The following TENM4 variants were observed in gnomAD, a reference collection of about 807,000 sequenced individuals.
TENM4 encodes teneurin transmembrane protein 4.
Under a neutral mutation model 243.3 loss-of-function variants are expected in TENM4, and 82 were observed. The ratio of observed to expected loss-of-function variants is 0.34; its 90% CI spans 0.28 to 0.40. The LOEUF is 0.40. TENM4 is among the 10% of genes least tolerant of loss of function. The probability of loss-of-function intolerance (pLI) is 1.00; values close to 1 mark genes in which losing one functional copy is unlikely to be tolerated. For missense variants in TENM4, 3,138 were observed against 3,673.3 expected (o/e 0.85, Z 3.77); for synonymous variants, 1,412 against 1,456.3 (o/e 0.97, Z 0.69).
At chr11:78,705,291 G>A (rs1009802557) in intron 27 of TENM4, among the ~76,000 whole-genome samples, 2 of 152,190 alleles carry the variant, frequency 1.3e-5, no homozygotes, top group African/African-American at 2.4e-5. Flanking sequence ...AGTGGAGGGA[G>A]AGAGGAGAGG....
intron 17 of TENM4, among the ~76,000 whole-genome samples, chr11:78,771,580 C>A (rs1333212476): frequency 6.6e-6 from 1 of 152,216 alleles, no homozygotes; most frequent in African/African-American, 2.4e-5. Flanking sequence ...TTATTCCTTG[C>A]TTCCTTCATC....
chr11:79,203,635 G>A (rs187540809), intron 3 of TENM4, among the ~76,000 whole-genome samples: 1 of 152,308 alleles, frequency 6.6e-6, no homozygotes, highest in Admixed American at 6.5e-5. Context: ...TATCATGGGG[G>A]ATTGATTCCA....
chr11:78,926,578 G>T (rs1024476878), intron 6 of TENM4, among the ~76,000 whole-genome samples: 54 of 151,692 alleles, frequency 3.6e-4, no homozygotes, highest in African/African-American at 9.7e-4. Flanking sequence ...GGCCAGAAAT[G>T]ATATTTTTTA....
At chr11:79,064,084 C>A (rs904478306) in intron 6 of TENM4, among the ~76,000 whole-genome samples, 2 of 151,556 alleles carry the variant, frequency 1.3e-5, no homozygotes, top group African/African-American at 2.4e-5. Flanking sequence ...ATCTCACATA[C>A]TTATTTTTTT....
chr11:78,727,960 C>T (rs903832238), intron 22 of TENM4, among the ~76,000 whole-genome samples: 13 of 152,306 alleles, frequency 8.5e-5, no homozygotes, highest in East Asian at 5.8e-4. Context: ...GGCTGGAAGA[C>T]GTCCCTGTGA....
intron 2 of TENM4, among the ~76,000 whole-genome samples, chr11:79,285,066 C>T (rs1048801309): frequency 2.0e-5 from 3 of 151,890 alleles, no homozygotes; most frequent in African/African-American, 7.3e-5. Context: ...GGTGAAACCC[C>T]GTCTCTACTA....
At chr11:78,715,734 C>T (rs889018389) in intron 25 of TENM4, among the ~76,000 whole-genome samples, 2 of 152,176 alleles carry the variant, frequency 1.3e-5, no homozygotes, top group South Asian at 2.1e-4. Flanking sequence ...AGTCCCTGCT[C>T]GGCTAGGCTC....
chr11:78,694,519 A>T (rs1858907155), intron 28 of TENM4, among the ~76,000 whole-genome samples: 1 of 152,068 alleles, frequency 6.6e-6, no homozygotes, highest in Non-Finnish European at 1.5e-5. Flanking sequence ...GATCTGGCCC[A>T]CTCTGCCATA....
intron 24 of TENM4, among the ~76,000 whole-genome samples, chr11:78,722,190 T>C (rs1173572041): frequency 6.6e-6 from 1 of 152,120 alleles, no homozygotes; most frequent in Admixed American, 6.5e-5. Context: ...TTTTAAATTA[T>C]TTTTTTGCAG....
At chr11:79,101,832 G>T (rs1476078027) in intron 4 of TENM4, among the ~76,000 whole-genome samples, 1 of 152,186 alleles carries the variant, frequency 6.6e-6, no homozygotes, top group East Asian at 1.9e-4. Flanking sequence ...TTCAGCCAAG[G>T]TTTCCTGGAA....
chr11:78,893,802 C>CACACACACACA (rs1273308220), intron 7 of TENM4, among the ~76,000 whole-genome samples: 3 of 151,768 alleles, frequency 2.0e-5, no homozygotes, highest in Non-Finnish European at 2.9e-5. Context: ...CACACACACT[C>CACACACACACA]CTCTCTTTCT....
chr11:79,021,363 C>T (rs1024594879), intron 6 of TENM4, among the ~76,000 whole-genome samples: 11 of 152,160 alleles, frequency 7.2e-5, no homozygotes, highest in Non-Finnish European at 1.3e-4. Flanking sequence ...CCCTCAGGAG[C>T]TAACCCTAAA....
chr11:78,738,368 A>T lies in TENM4; in HGVS notation c.2876+83T>A. On this transcript the variant is annotated intron_variant, in intron 20 of 33. Coordinates refer to ENST00000278550, the MANE Select transcript of TENM4 (RefSeq NM_001098816.3). ...TGAATCCAAGACCCATCCTCTTTCC[A>T]CATTATCAGTCCAGCAGCAGCTATA... is the stretch of plus-strand genomic sequence containing the variant. 3 of 1,512,314 alleles carry T rather than the reference A, an allele frequency of 2.0e-6. No individual in the cohort carries two copies. The Admixed American group carries it at 6.3e-5, about 32-fold the overall frequency. 93.7% of individuals were successfully genotyped at this position (1,512,314 alleles called of 1,614,324 possible).
At chr11:78,917,289 G>A (rs902397290) in intron 6 of TENM4, among the ~76,000 whole-genome samples, 9 of 152,152 alleles carry the variant, frequency 5.9e-5, no homozygotes, top group Non-Finnish European at 1.3e-4. Flanking sequence ...GCATGCAAAC[G>A]CCTCTACCTT....
At chr11:79,216,752 C>T (rs751941235) in intron 2 of TENM4, among the ~76,000 whole-genome samples, 19 of 152,204 alleles carry the variant, frequency 1.2e-4, no homozygotes, top group Non-Finnish European at 2.5e-4. Flanking sequence ...ATGCCAGCAC[C>T]ATGCTCTTGG....
chr11:79,150,196 T>A (rs926429793), intron 3 of TENM4, among the ~76,000 whole-genome samples: 1 of 152,114 alleles, frequency 6.6e-6, no homozygotes, highest in African/African-American at 2.4e-5. Flanking sequence ...CCTCCATCAT[T>A]TCTTACCTGC....
intron 7 of TENM4, among the ~76,000 whole-genome samples, chr11:78,901,763 T>C (rs1855933491): frequency 6.6e-6 from 1 of 152,180 alleles, no homozygotes; most frequent in South Asian, 2.1e-4. Flanking sequence ...ACTCTGTTAC[T>C]GATGAGGCAC....
At chr11:79,399,453 C>A (rs1426479841) in intron 1 of TENM4, among the ~76,000 whole-genome samples, 1 of 152,080 alleles carries the variant, frequency 6.6e-6, no homozygotes, top group African/African-American at 2.4e-5. Flanking sequence ...AGTGGGAGAG[C>A]AATAAGTTTT....
At chr11:79,205,183 C>T (rs1487690006) in intron 3 of TENM4, among the ~76,000 whole-genome samples, 1 of 152,062 alleles carries the variant, frequency 6.6e-6, no homozygotes, top group Non-Finnish European at 1.5e-5. Flanking sequence ...ATTAAGGGTT[C>T]ACATGCAGTT....
Sources: allele counts gnomAD v4.1 joint callset (sites outside exome capture counted in the v4.1 genomes callset), GRCh38; gene constraint gnomAD v4.1.1; transcripts MANE v1.5; gene names NCBI Gene and HGNC (gene_info 2026-07-23, HGNC 2026-07-21).